Variants in CDH4 observed in about 807,000 individuals in gnomAD.
The protein encoded by CDH4 is cadherin-4.
A neutral mutation model predicts 86.0 loss-of-function variants in CDH4; 33 were observed. That is an observed-to-expected ratio of 0.38 (90% CI 0.29 to 0.51). The LOEUF (loss-of-function observed/expected upper bound fraction) is 0.51. CDH4 is among the 20% of genes least tolerant of loss of function. The pLI, the probability that CDH4 is intolerant of heterozygous loss-of-function variation, is 0.86. For missense variants in CDH4, 1,114 were observed against 1,307.4 expected, an observed-to-expected ratio of 0.85 and a Z score of 2.28; for synonymous variants, 555 against 549.4, an observed-to-expected ratio of 1.01 and a Z score of -0.14.
intron 2 of CDH4, among the ~76,000 whole-genome samples, chr20:61,300,451 C>T (rs990461836): frequency 6.6e-6 from 1 of 152,130 alleles, no homozygotes; most frequent in African/African-American, 2.4e-5. Context: ...GCCAGGCGGC[C>T]TCTGGGTGAA....
intron 4 of CDH4, among the ~76,000 whole-genome samples, chr20:61,816,689 G>GC (rs1555843055): frequency 5.3e-5 from 3 of 56,302 alleles, no homozygotes; most frequent in Admixed American, 4.0e-4. Context: ...CACGTTAAAT[G>GC]GGGGGGGGCG....
At chr20:61,540,496 C>G (rs1359601713) in intron 2 of CDH4, among the ~76,000 whole-genome samples, 1 of 152,050 alleles carries the variant, frequency 6.6e-6, no homozygotes, top group East Asian at 1.9e-4. Flanking sequence ...TGCCTTCTGT[C>G]ACATAACTTC....
At chr20:61,678,793 C>T (rs1343491303) in intron 2 of CDH4, among the ~76,000 whole-genome samples, 1 of 152,198 alleles carries the variant, frequency 6.6e-6, no homozygotes, top group African/African-American at 2.4e-5. Flanking sequence ...TCCAGCCTCC[C>T]ATAGCCATCT....
rs1217357236 is a variant in CDH4 at position 61,903,969 on chromosome 20, C to T, written c.1189-6453C>T. Among the ~76,000 whole-genome samples the T allele has an allele frequency of 2.6e-5, 4 of 152,214 alleles. No individual in the cohort carries two copies. The East Asian group carries it at 7.7e-4, about 29-fold the overall frequency. On this transcript the variant is annotated intron_variant, in intron 8 of 15. Coordinates refer to ENST00000614565, the MANE Select transcript of CDH4 (RefSeq NM_001794.5). ...CAAGCTTCTCCTCTCTGCTGCTGCC[C>T]GCTGCCAGCTGTTTTGCGTTTCTGC...
intron 2 of CDH4, among the ~76,000 whole-genome samples, chr20:61,458,423 G>A (rs1278934171): frequency 7.1e-6 from 1 of 141,560 alleles, no homozygotes. Context: ...TGACACTGGT[G>A]GTCATGGTGG....
intron 2 of CDH4, among the ~76,000 whole-genome samples, chr20:61,694,030 T>C (rs968759914): frequency 1.3e-5 from 2 of 151,618 alleles, no homozygotes; most frequent in African/African-American, 4.9e-5. Context: ...GTAGGTGGGA[T>C]TACAGGTGCC....
intron 7 of CDH4, among the ~76,000 whole-genome samples, chr20:61,892,869 G>A (rs1984882003): frequency 6.6e-6 from 1 of 152,094 alleles, no homozygotes; most frequent in Admixed American, 6.5e-5. Flanking sequence ...AGGGAAGGAG[G>A]AAGGAATAGA....
intron 13 of CDH4, among the ~76,000 whole-genome samples, chr20:61,931,068 C>G (rs1316690547): frequency 6.6e-6 from 1 of 152,248 alleles, no homozygotes; most frequent in African/African-American, 2.4e-5. Context: ...TCGTGGGCAC[C>G]TCAGCCCTGG....
At chr20:61,885,671 C>T (rs1246637608) in intron 7 of CDH4, among the ~76,000 whole-genome samples, 3 of 152,162 alleles carry the variant, frequency 2.0e-5, no homozygotes, top group Admixed American at 6.5e-5. Context: ...TGCCAGGCCC[C>T]GTGGTGACTC....
chr20:61,900,628 G>A (rs2122889764), intron 8 of CDH4, among the ~76,000 whole-genome samples: 1 of 152,316 alleles, frequency 6.6e-6, no homozygotes, highest in East Asian at 1.9e-4. Flanking sequence ...GAAACTTGAG[G>A]TCCCTCAGCC....
At chr20:61,727,065 C>T (rs1298643945) in intron 2 of CDH4, among the ~76,000 whole-genome samples, 24 of 152,034 alleles carry the variant, frequency 1.6e-4, no homozygotes, top group Admixed American at 1.6e-3. Flanking sequence ...CCATCACTGC[C>T]ATCTTCACCA....
intron 2 of CDH4, among the ~76,000 whole-genome samples, chr20:61,509,674 G>A (rs923124165): frequency 6.6e-6 from 1 of 151,998 alleles, no homozygotes. Context: ...AGGCAGGCGG[G>A]AGAAGTCAGG....
At chr20:61,509,568 G>A (rs2085765278) in intron 2 of CDH4, among the ~76,000 whole-genome samples, 1 of 151,172 alleles carries the variant, frequency 6.6e-6, no homozygotes, top group Admixed American at 6.6e-5. Flanking sequence ...TAGCAGCATG[G>A]CAAGAGGAGG....
chr20:61,646,317 T>C (rs916799009), intron 2 of CDH4, among the ~76,000 whole-genome samples: 1 of 152,032 alleles, frequency 6.6e-6, no homozygotes, highest in Non-Finnish European at 1.5e-5. Context: ...CTTCCGTGAG[T>C]GTTTATTCAG....
chr20:61,720,753 T>C (rs1345247750), intron 2 of CDH4, among the ~76,000 whole-genome samples: 1 of 152,092 alleles, frequency 6.6e-6, no homozygotes, highest in Non-Finnish European at 1.5e-5. Context: ...ACCTCCCAGC[T>C]GCCTCTAAAA....
At chr20:61,794,670 G>T (rs1979431228) in intron 4 of CDH4, among the ~76,000 whole-genome samples, 1 of 152,174 alleles carries the variant, frequency 6.6e-6, no homozygotes, top group Admixed American at 6.5e-5. Flanking sequence ...CTGGACACAG[G>T]CTCCATGACT....
At chr20:61,310,225 T>C (rs1042961159) in intron 2 of CDH4, among the ~76,000 whole-genome samples, 16 of 151,984 alleles carry the variant, frequency 1.1e-4, no homozygotes, top group Admixed American at 7.9e-4. Flanking sequence ...GAGTGGGTGA[T>C]GGGGGTTCGT....
chr20:61,695,841 T>C (rs1196921627), intron 2 of CDH4, among the ~76,000 whole-genome samples: 1 of 152,190 alleles, frequency 6.6e-6, no homozygotes, highest in African/African-American at 2.4e-5. Context: ...TGAGCTGGGC[T>C]TTGCCCCAGT....
chr20:61,353,355 TA>T, intron 2 of CDH4, among the ~76,000 whole-genome samples: 1 of 152,154 alleles, frequency 6.6e-6, no homozygotes, highest in South Asian at 2.1e-4. Flanking sequence ...CCTCTTCCAT[TA>T]AAATTAATTT....
Sources: gnomAD v4.1 joint callset for allele counts (sites outside exome capture counted in the v4.1 genomes callset) on GRCh38, gnomAD v4.1.1 for gene constraint, MANE v1.5 for transcripts, NCBI Gene and HGNC (gene_info 2026-07-23, HGNC 2026-07-21) for gene names.